Variants in HADH observed in about 807,000 individuals in gnomAD.
HADH encodes hydroxyacyl-CoA dehydrogenase, also known as hydroxyacyl-coenzyme A dehydrogenase, mitochondrial.
HADH carries 24 observed loss-of-function variants against 32.2 expected under a neutral mutation model. The observed-to-expected ratio is 0.75, with a 90% CI of 0.54 to 1.05. HADH has a LOEUF of 1.05. HADH is among the 50% of genes least tolerant of loss of function. HADH has a pLI of 0.00. For synonymous variants in HADH, 139 were observed against 152.5 expected, an observed-to-expected ratio of 0.91 and a Z score of 0.65; for missense variants, 350 against 397.1, an observed-to-expected ratio of 0.88 and a Z score of 1.01.
intron 4 of HADH, among the ~76,000 whole-genome samples, chr4:108,022,307 T>G (rs1735920763): frequency 6.6e-6 from 1 of 151,072 alleles, no homozygotes; most frequent in Non-Finnish European, 1.5e-5. Context: ...TTCTTTCCAT[T>G]TACCATTACA....
intron 3 of HADH, 42 bp from the exon 4 acceptor site, chr4:108,019,498 A>G (rs1735805185): frequency 6.3e-7 from 1 of 1,594,564 alleles, no homozygotes; most frequent in African/African-American, 1.3e-5. Context: ...TTTTGAAAGA[A>G]GAGATTCACT....
Position 108,034,452 on chromosome 4 carries a change from C to T in HADH, c.*95C>T. ...GGAATGCTCTTTGGTCAGACATTCC[C>T]TCACACAGTACAGTTTAATAAATGT... is the stretch of plus-strand genomic sequence containing the variant. On this transcript the variant is annotated 3_prime_UTR_variant, in exon 8 of 8. Coordinates refer to ENST00000309522, the MANE Select transcript of HADH (RefSeq NM_005327.7). 1 of 783,928 alleles carries T rather than the reference C, an allele frequency of 1.3e-6. No homozygotes were observed. Among genetic ancestry groups the T allele is most frequent in the South Asian group, 1.4e-5 (1 of 73,952 alleles). The allele number at this position is 783,928 out of a possible 1,614,324, so 48.6% of individuals were successfully genotyped here.
chr4:108,031,875 T>A, intron 6 of HADH: 1 of 153,798 alleles, frequency 6.5e-6, no homozygotes, highest in Admixed American at 6.5e-5. Flanking sequence ...TGACGCTGCC[T>A]ATATGATTAT....
At chr4:108,020,833 G>A (rs1220701772) in intron 4 of HADH, among the ~76,000 whole-genome samples, 1 of 152,194 alleles carries the variant, frequency 6.6e-6, no homozygotes, top group Non-Finnish European at 1.5e-5. Context: ...CTCTCTGGGA[G>A]TGTGTATCGT....
intron 1 of HADH, among the ~76,000 whole-genome samples, chr4:107,995,650 A>G (rs555053544): frequency 1.3e-5 from 2 of 152,216 alleles, no homozygotes; most frequent in Non-Finnish European, 2.9e-5. Context: ...TCATGTGACC[A>G]TTACAATAAT....
chr4:108,021,115 G>C (rs931500028), intron 4 of HADH, among the ~76,000 whole-genome samples: 2 of 152,158 alleles, frequency 1.3e-5, no homozygotes, highest in African/African-American at 4.8e-5. Context: ...TTGGGGAACA[G>C]AAGAAACAGC....
intron 6 of HADH, chr4:108,031,344 G>A (rs1053288131): frequency 3.3e-5 from 5 of 152,310 alleles, no homozygotes; most frequent in South Asian, 2.1e-4. Flanking sequence ...ACTGAGCTCC[G>A]AAGCTGTCTG....
chr4:107,998,039 C>A (rs1049782391), intron 1 of HADH, among the ~76,000 whole-genome samples: 1 of 152,204 alleles, frequency 6.6e-6, no homozygotes, highest in Non-Finnish European at 1.5e-5. Flanking sequence ...ACTTTACCAA[C>A]AAATGTCTTT....
At chr4:108,023,127 G>A (rs563520443) in intron 4 of HADH, among the ~76,000 whole-genome samples, 7 of 152,004 alleles carry the variant, frequency 4.6e-5, no homozygotes, top group African/African-American at 1.7e-4. Context: ...CCAAGTAGCT[G>A]GGACTACAGG....
chr4:108,016,109 T>C (rs1460437532), intron 3 of HADH, among the ~76,000 whole-genome samples: 2 of 152,182 alleles, frequency 1.3e-5, no homozygotes, highest in Non-Finnish European at 2.9e-5. Flanking sequence ...GGCTTCCTGG[T>C]GGAATTCTTC....
At chr4:108,034,119 C>T (rs893578036) in intron 7 of HADH, 120 bp from the exon 8 acceptor site, 26 of 780,100 alleles carry the variant, frequency 3.3e-5, no homozygotes, top group African/African-American at 1.2e-4. Flanking sequence ...GCCGGAGGGG[C>T]GCCATGCCTG....
At position 108,023,468 on chromosome 4, in the gene HADH, T is replaced by C; in HGVS notation, c.547-6T>C. The C allele has an allele frequency of 6.3e-7, 1 of 1,579,356 alleles. No individual in the cohort carries two copies. Among genetic ancestry groups the C allele is most frequent in the Non-Finnish European group, 8.7e-7 (1 of 1,148,226 alleles). ...CTGGTCATAATTCTCTGCTTTGCAT[T>C]TCCAGGTCATTAAAACACCAATGAC... On this transcript the variant is annotated splice_polypyrimidine_tract_variant and splice_region_variant and intron_variant, in intron 4 of 7. Transcript: ENST00000309522.
intron 7 of HADH, 97 bp from the exon 8 acceptor site, chr4:108,034,142 A>C (rs1023316392): frequency 1.2e-6 from 1 of 860,508 alleles, no homozygotes; most frequent in Non-Finnish European, 2.0e-6. Flanking sequence ...GGGCTCTCCC[A>C]CATCAGAGGC....
intron 4 of HADH, among the ~76,000 whole-genome samples, chr4:108,021,670 T>G (rs1004012928): frequency 2.6e-5 from 4 of 152,182 alleles, no homozygotes; most frequent in African/African-American, 9.7e-5. Flanking sequence ...TATTATTAAC[T>G]CCCTTAAACC....
At chr4:108,013,171 T>C (rs1381179713) in intron 2 of HADH, among the ~76,000 whole-genome samples, 2 of 152,230 alleles carry the variant, frequency 1.3e-5, no homozygotes, top group African/African-American at 4.8e-5. Context: ...AACCTCGTGA[T>C]CCGCCTGCCT....
At chr4:108,027,428 C>T (rs1736104515) in intron 5 of HADH, 2 of 539,644 alleles carry the variant, frequency 3.7e-6, no homozygotes, top group South Asian at 4.1e-5. Context: ...TTCCAGGTCA[C>T]ACCTGTGCCT....
rs1734721564 is a variant in HADH, at chr4:107,989,971, C to T, written c.39C>T (p.Ser13=). ...CCAGGCAGTTCATGCGTTCCGTGTC[C>T]TCCTCGTCCACCGCCTCGGCCTCGG... The part of the protein sequence containing the change: ...FVTRQFMRSV[S]SSSTASASAK... Residue 13 remains serine (S), a synonymous_variant, in exon 1 of 8, where the codon TCC becomes TCT. Transcript: ENST00000309522. The T allele has an allele frequency of 1.9e-6, 3 of 1,613,012 alleles. No homozygotes were observed. Among genetic ancestry groups the T allele is most frequent in the South Asian group, 1.1e-5 (1 of 90,948 alleles).
At position 108,023,526 on chromosome 4, in the gene HADH, T is replaced by G; in HGVS notation, c.599T>G (p.Phe200Cys). ...AAGACATTTGAATCTTTGGTAGACTTTAGCAAAGCCCTAGGAAAGCATCCT... is the reference window on the plus strand; with the variant it reads ...AAGACATTTGAATCTTTGGTAGACTGTAGCAAAGCCCTAGGAAAGCATCCT... ...SQKTFESLVDFSKALGKHPVS... is the reference protein window; with the variant it reads ...SQKTFESLVDCSKALGKHPVS... The change falls in exon 5 of 8, where the codon TTT (phenylalanine) becomes TGT (cysteine). Residue 200 changes from phenylalanine (F) to cysteine (C), a missense_variant. Physicochemically the swap from Phe to Cys is radical, Grantham distance 205. Coordinates refer to ENST00000309522, the MANE Select transcript of HADH (RefSeq NM_005327.7). 1 of 1,611,418 alleles carries G rather than the reference T, an allele frequency of 6.2e-7. No homozygotes were observed. Among genetic ancestry groups the G allele is most frequent in the Non-Finnish European group, 8.5e-7 (1 of 1,177,518 alleles).
At chr4:107,990,161 G>A in intron 1 of HADH, 97 bp downstream of exon 1, 2 of 1,295,910 alleles carry the variant, frequency 1.5e-6, no homozygotes, top group South Asian at 2.7e-5. Flanking sequence ...GCACCCGCCC[G>A]ACACCAGGGA....
Sources: gnomAD v4.1 joint callset for allele counts (sites outside exome capture counted in the v4.1 genomes callset) on GRCh38, gnomAD v4.1.1 for gene constraint, MANE v1.5 for transcripts, NCBI Gene and HGNC (gene_info 2026-07-23, HGNC 2026-07-21) for gene names.